The following ATXN8OS variants were observed in gnomAD, a reference collection of about 807,000 sequenced individuals.
ATXN8OS encodes the protein ATXN8 opposite strand lncRNA.
intron 3 of ATXN8OS, among the ~76,000 whole-genome samples, chr13:70,144,535 T>C (rs528770218): frequency 2.0e-5 from 3 of 152,302 alleles, no homozygotes; most frequent in Non-Finnish European, 2.9e-5. Context: ...TTTCAGTATG[T>C]ATGCAAATGG....
intron 4 of ATXN8OS, among the ~76,000 whole-genome samples, chr13:70,160,196 T>G (rs141924082): frequency 6.6e-6 from 1 of 152,174 alleles, no homozygotes; most frequent in Non-Finnish European, 1.5e-5. Context: ...TGTTGACTTA[T>G]TGGATTTTCA....
intron 3 of ATXN8OS, among the ~76,000 whole-genome samples, chr13:70,144,002 T>C (rs1173189528): frequency 6.6e-6 from 1 of 152,182 alleles, no homozygotes; most frequent in Non-Finnish European, 1.5e-5. Flanking sequence ...ATTCTATACC[T>C]TTATTGGTTT....
At chr13:70,134,840 G>A (rs1246089138) in intron 3 of ATXN8OS, among the ~76,000 whole-genome samples, 1 of 152,110 alleles carries the variant, frequency 6.6e-6, no homozygotes, top group Non-Finnish European at 1.5e-5. Flanking sequence ...AAATCTGAGG[G>A]CATATCTGAG....
exon 5 of ATXN8OS, among the ~76,000 whole-genome samples, chr13:70,171,507 A>T (rs1889144158): frequency 6.6e-6 from 1 of 152,120 alleles, no homozygotes; most frequent in Non-Finnish European, 1.5e-5. Context: ...ACATTTGTTT[A>T]TGTCAGCATC....
intron 2 of ATXN8OS, among the ~76,000 whole-genome samples, chr13:70,127,653 C>T (rs1244625663): frequency 7.4e-6 from 1 of 134,724 alleles, no homozygotes; most frequent in Non-Finnish European, 1.6e-5. Context: ...GGAGGCCTGA[C>T]ATATGAAAAC....
At chr13:70,128,545 T>TC (rs1888478241) in intron 2 of ATXN8OS, among the ~76,000 whole-genome samples, 1 of 138,492 alleles carries the variant, frequency 7.2e-6, no homozygotes, top group East Asian at 2.6e-4. Flanking sequence ...AGCTTAAAAA[T>TC]TAAAAAAAAA....
chr13:70,111,359 C>A (rs1383107637), intron 1 of ATXN8OS, among the ~76,000 whole-genome samples: 1 of 152,134 alleles, frequency 6.6e-6, no homozygotes, highest in Non-Finnish European at 1.5e-5. Context: ...GCTGAGAAGT[C>A]TAAGTTCTAG....
intron 3 of ATXN8OS, among the ~76,000 whole-genome samples, chr13:70,146,002 C>T (rs1354453833): frequency 1.4e-5 from 2 of 141,686 alleles, no homozygotes; most frequent in African/African-American, 2.6e-5. Flanking sequence ...AAAATTTTCA[C>T]AACCTACTCA....
intron 4 of ATXN8OS, among the ~76,000 whole-genome samples, chr13:70,152,015 C>T (rs1329691438): frequency 6.6e-6 from 1 of 152,048 alleles, no homozygotes. Context: ...CTACAAAATC[C>T]TTAATAACTT....
intron 2 of ATXN8OS, among the ~76,000 whole-genome samples, chr13:70,128,152 C>A (rs1888471959): frequency 6.6e-6 from 1 of 151,988 alleles, no homozygotes; most frequent in East Asian, 1.9e-4. Flanking sequence ...TTTATTTCGC[C>A]TTACAAGCTT....
At chr13:70,130,583 A>C in intron 3 of ATXN8OS, 1 of 397,334 alleles carries the variant, frequency 2.5e-6, no homozygotes, top group Non-Finnish European at 4.4e-6. Context: ...TGAGATACCA[A>C]TGGTGGGTGT....
intron 3 of ATXN8OS, among the ~76,000 whole-genome samples, chr13:70,144,482 C>A (rs761264860): frequency 1.3e-5 from 2 of 152,084 alleles, no homozygotes; most frequent in Non-Finnish European, 2.9e-5. Context: ...AATAACCTGG[C>A]ATAGAGTCCA....
At chr13:70,136,590 C>T (rs1454537559) in intron 3 of ATXN8OS, among the ~76,000 whole-genome samples, 2 of 152,012 alleles carry the variant, frequency 1.3e-5, no homozygotes, top group African/African-American at 4.8e-5. Flanking sequence ...TCCTCGTATT[C>T]AGGAAATCAT....
intron 3 of ATXN8OS, among the ~76,000 whole-genome samples, chr13:70,144,136 T>A (rs1022678865): frequency 8.5e-5 from 13 of 152,088 alleles, no homozygotes; most frequent in African/African-American, 3.1e-4. Flanking sequence ...ATATTTTTAG[T>A]TTTCTTATTG....
At chr13:70,156,496 C>T (rs553588777) in intron 4 of ATXN8OS, among the ~76,000 whole-genome samples, 1 of 152,010 alleles carries the variant, frequency 6.6e-6, no homozygotes, top group South Asian at 2.1e-4. Flanking sequence ...ATGATAATTT[C>T]TACATATAAA....
intron 3 of ATXN8OS, chr13:70,139,383 ACTGCTG>A (rs193922930): frequency 0.19 from 81,651 of 440,074 alleles, 4,669 homozygotes; most frequent in Middle Eastern, 0.22. Flanking sequence ...TACTACTACT[ACTGCTG>A]CTGCTGCTGC....
At chr13:70,133,860 T>C (rs1888568519) in intron 3 of ATXN8OS, among the ~76,000 whole-genome samples, 1 of 152,080 alleles carries the variant, frequency 6.6e-6, no homozygotes, top group Non-Finnish European at 1.5e-5. Flanking sequence ...ATTTATGTTG[T>C]TTTAAGCCAC....
chr13:70,148,571 G>A (rs1888820849), intron 4 of ATXN8OS, among the ~76,000 whole-genome samples: 2 of 151,986 alleles, frequency 1.3e-5, no homozygotes, highest in South Asian at 2.1e-4. Context: ...ATGGAAGGGG[G>A]TATAATTTTA....
chr13:70,157,123 C>T (rs1033972506), intron 4 of ATXN8OS, among the ~76,000 whole-genome samples: 2 of 132,798 alleles, frequency 1.5e-5, no homozygotes, highest in East Asian at 2.0e-4. Flanking sequence ...GTTTTCATAC[C>T]GATTTTTTGA....
Sources: allele counts gnomAD v4.1 joint callset (sites outside exome capture counted in the v4.1 genomes callset), GRCh38; gene constraint gnomAD v4.1.1; transcripts MANE v1.5; gene names NCBI Gene and HGNC (gene_info 2026-07-23, HGNC 2026-07-21).